The following PLCZ1 variants were observed in gnomAD, a reference collection of about 807,000 sequenced individuals.
PLCZ1 encodes phospholipase C zeta 1.
In PLCZ1, 64 loss-of-function variants were observed where a neutral mutation model predicts 76.8. The ratio of observed to expected loss-of-function variants is 0.83; its 90% CI spans 0.68 to 1.03. The LOEUF is 1.03. Among genes scored for constraint, PLCZ1 ranks in the 50% least tolerant of loss-of-function variants. PLCZ1 has a pLI of 0.00. For synonymous variants in PLCZ1, 248 were observed against 230.8 expected, an observed-to-expected ratio of 1.07 and a Z score of -0.68; for missense variants, 751 against 713.7, an observed-to-expected ratio of 1.05 and a Z score of -0.60.
chr12:18,677,780 GT>G, the PLCZ1 span, among the ~76,000 whole-genome samples: 2 of 151,988 alleles, frequency 1.3e-5, no homozygotes, highest in Admixed American at 1.3e-4. Context: ...AATTATTTGT[GT>G]TTTCTAAACA....
At chr12:18,713,463 G>GTA (rs1957580788) in intron 5 of PLCZ1, among the ~76,000 whole-genome samples, 1 of 152,138 alleles carries the variant, frequency 6.6e-6, no homozygotes, top group East Asian at 1.9e-4. Context: ...GGGGAATGGG[G>GTA]TATATGGCAG....
At chr12:18,657,946 A>T in the PLCZ1 span, among the ~76,000 whole-genome samples, 8 of 152,162 alleles carry the variant, frequency 5.3e-5, no homozygotes, top group African/African-American at 1.9e-4. Context: ...AAAGAACTGA[A>T]GAGAACCACT....
rs1183756784 is a variant in PLCZ1 at position 18,694,989 on chromosome 12, G to A, written c.1382C>T (p.Pro461Leu). ...DNGGSGYILK[P>L]HFLRESKSYF... ...TGATTTACTCTCTCTTAAGAAATGT[G>A]GTTTCAAAATATATCCAGAACCACC... The change falls in exon 12 of 15, where the codon CCA (proline) becomes CTA (leucine). Residue 461 changes from proline (P) to leucine (L), a missense_variant. Pro to Leu is a moderately conservative substitution (Grantham distance 98). Transcript: ENST00000266505. 1 of 1,609,538 alleles carries A rather than the reference G, an allele frequency of 6.2e-7. No individual in the cohort carries two copies. Among genetic ancestry groups the A allele is most frequent in the South Asian group, 1.1e-5 (1 of 90,980 alleles).
Position 18,726,237 on chromosome 12 carries a change from C to G in PLCZ1, c.136-2695G>C, listed in dbSNP as rs11834188. On this transcript the variant is annotated intron_variant, in intron 3 of 14. Transcript: ENST00000266505. ...AAGATATGCAAAATCTCAGGCCCCA[C>G]CTCAGGGTTCACTACCACCTTTAAA... is the stretch of plus-strand genomic sequence containing the variant. 2.9e-3 allele frequency among the ~76,000 whole-genome samples: 444 copies of G among 152,218 alleles called. 5 individuals carry two copies. Among genetic ancestry groups the G allele is most frequent in the African/African-American group, 9.9e-3 (410 of 41,550 alleles).
At chr12:18,656,200 G>A in the PLCZ1 span, among the ~76,000 whole-genome samples, 1 of 152,088 alleles carries the variant, frequency 6.6e-6, no homozygotes, top group African/African-American at 2.4e-5. Flanking sequence ...AAGTTGAGAC[G>A]GAAGCATCAT....
At chr12:18,711,590 T>C (rs1429558028) in intron 6 of PLCZ1, among the ~76,000 whole-genome samples, 1 of 150,628 alleles carries the variant, frequency 6.6e-6, no homozygotes, top group African/African-American at 2.4e-5. Flanking sequence ...TACTGAAGAA[T>C]TGACTGAGGG....
intron 14 of PLCZ1, 80 bp from the exon 15 acceptor site, chr12:18,683,404 G>A: frequency 1.3e-6 from 2 of 1,487,336 alleles, no homozygotes; most frequent in Non-Finnish European, 1.9e-6. Context: ...AGAAACAAGA[G>A]CTCTTTACTA....
At chr12:18,720,593 C>A (rs1202389264) in intron 4 of PLCZ1, among the ~76,000 whole-genome samples, 1 of 151,700 alleles carries the variant, frequency 6.6e-6, no homozygotes, top group African/African-American at 2.4e-5. Flanking sequence ...ATAGGATCTA[C>A]CCTTATATAT....
At chr12:18,716,295 T>A (rs568985679) in intron 5 of PLCZ1, among the ~76,000 whole-genome samples, 39 of 152,242 alleles carry the variant, frequency 2.6e-4, no homozygotes, top group Middle Eastern at 3.4e-3. Flanking sequence ...AAACTTTTCA[T>A]AAATAATATT....
chr12:18,731,846 T>C (rs1165349207), intron 3 of PLCZ1, among the ~76,000 whole-genome samples: 3 of 152,158 alleles, frequency 2.0e-5, no homozygotes, highest in Non-Finnish European at 2.9e-5. Flanking sequence ...ATTTTGTTAA[T>C]GATCTTTCCT....
chr12:18,682,639 T>A (rs1952532629), downstream of PLCZ1, among the ~76,000 whole-genome samples: 1 of 152,026 alleles, frequency 6.6e-6, no homozygotes, highest in East Asian at 1.9e-4. Context: ...ACAGTAGATC[T>A]CTTTTATAGA....
the PLCZ1 span, among the ~76,000 whole-genome samples, chr12:18,678,104 A>T: frequency 6.6e-6 from 1 of 152,140 alleles, no homozygotes; most frequent in Non-Finnish European, 1.5e-5. Flanking sequence ...TAGCAAGCCC[A>T]GCTGTCCACA....
intron 13 of PLCZ1, among the ~76,000 whole-genome samples, chr12:18,685,846 G>GCACACA (rs3055342): frequency 9.2e-6 from 1 of 109,252 alleles, no homozygotes; most frequent in African/African-American, 3.5e-5. Flanking sequence ...ACACACACGC[G>GCACACA]CACACACACA....
intron 12 of PLCZ1, among the ~76,000 whole-genome samples, 158 bp from the exon 13 acceptor site, chr12:18,688,376 T>C (rs1264160998): frequency 6.6e-6 from 1 of 152,042 alleles, no homozygotes; most frequent in African/African-American, 2.4e-5. Flanking sequence ...AAAATTTAAG[T>C]CTTTTATCCT....
intron 5 of PLCZ1, among the ~76,000 whole-genome samples, chr12:18,718,294 A>C (rs570639831): frequency 3.3e-5 from 5 of 152,286 alleles, no homozygotes; most frequent in African/African-American, 9.6e-5. Flanking sequence ...TATCACCTGC[A>C]CTGCTACACC....
intron 10 of PLCZ1, among the ~76,000 whole-genome samples, chr12:18,697,128 C>A (rs1419132618): frequency 6.6e-6 from 1 of 152,044 alleles, no homozygotes; most frequent in African/African-American, 2.4e-5. Flanking sequence ...TTAAACAGAT[C>A]CTGTTTCTGC....
chr12:18,684,582 A>G (rs949344636), intron 13 of PLCZ1, among the ~76,000 whole-genome samples: 1 of 152,086 alleles, frequency 6.6e-6, no homozygotes, highest in Non-Finnish European at 1.5e-5. Context: ...AAGGTTTCAC[A>G]TATGTGGTCA....
intron 3 of PLCZ1, among the ~76,000 whole-genome samples, chr12:18,735,249 A>G (rs1442283563): frequency 6.6e-6 from 1 of 152,220 alleles, no homozygotes; most frequent in Non-Finnish European, 1.5e-5. Flanking sequence ...TTTGGTATCC[A>G]GATGATGTTG....
At chr12:18,684,002 G>T in intron 14 of PLCZ1, 128 bp downstream of exon 14, 1 of 1,117,558 alleles carries the variant, frequency 8.9e-7, no homozygotes, top group Non-Finnish European at 1.3e-6. Context: ...AAAAATATGT[G>T]TCAATACATA....
Sources: allele counts gnomAD v4.1 joint callset (sites outside exome capture counted in the v4.1 genomes callset), GRCh38; gene constraint gnomAD v4.1.1; transcripts MANE v1.5; gene names NCBI Gene and HGNC (gene_info 2026-07-23, HGNC 2026-07-21).